IRF6: variants seen among roughly 807,000 people sequenced by gnomAD.
The protein encoded by IRF6 is interferon regulatory factor 6, also known as Van der Woude syndrome.
A neutral mutation model predicts 51.4 loss-of-function variants in IRF6; 6 were observed. The observed-to-expected ratio is 0.12, with a 90% CI of 0.06 to 0.23. IRF6 has a LOEUF of 0.23. IRF6 is among the 10% of genes least tolerant of loss of function. The pLI is 1.00. For missense variants in IRF6, 348 were observed against 585.2 expected, an observed-to-expected ratio of 0.59 and a Z score of 4.18; for synonymous variants, 178 against 215.7, an observed-to-expected ratio of 0.83 and a Z score of 1.53.
At position 209,790,076 on chromosome 1, in the gene IRF6, T is replaced by A. The variant is rs550555593; in HGVS notation, c.1061-291A>T. 1.3e-5 allele frequency among the ~76,000 whole-genome samples: 2 copies of A among 152,218 alleles called. No homozygotes were observed. Among genetic ancestry groups the A allele is most frequent in the African/African-American group, 4.8e-5 (2 of 41,450 alleles). On this transcript the variant is annotated intron_variant, in intron 7 of 8. Coordinates refer to ENST00000367021, the MANE Select transcript of IRF6 (RefSeq NM_006147.4). This position sits in a 1 kb window ranked among gnomAD's most constrained non-coding sequence, Gnocchi z 4.8. The stretch of plus-strand genomic sequence containing the variant: ...GCAGTTCAAACCACATTGTAAAAAA[T>A]TGACATCACGGTGCTTTCCCTAAAA...
intron 6 of IRF6, 123 bp downstream of exon 6, chr1:209,792,146 G>C: frequency 9.4e-7 from 1 of 1,059,392 alleles, no homozygotes; most frequent in Admixed American, 1.9e-5. Context: ...AACAGAAACA[G>C]AGGATGCCTC....
Position 209,789,745 on chromosome 1 carries a change from T to C in IRF6, c.1101A>G (p.Pro367=), listed in dbSNP as rs375673997. ...AHQKGQIEKQ[P]PFEIYLCFGE... is the part of the protein sequence containing the mutation. ...CAAAGCATAAGTAGATCTCAAACGG[T>C]GGCTGCTTCTCTATCTGTCCTTTCT... The change falls in exon 8 of 9, where the codon CCA becomes CCG. Residue 367 remains proline (P), a synonymous_variant. Transcript: ENST00000367021. 5.0e-6 allele frequency: 8 copies of C among 1,614,026 alleles called. No homozygotes were observed. The highest frequency in any genetic ancestry group is 6.8e-6 in the Non-Finnish European group (8 of 1,180,018).
At chr1:209,800,797 C>T (rs1571985931) in intron 3 of IRF6, among the ~76,000 whole-genome samples, 1 of 152,154 alleles carries the variant, frequency 6.6e-6, no homozygotes, top group African/African-American at 2.4e-5. Context: ...TGCTGAGAGC[C>T]CTCTATACCA....
chr1:209,798,908 C>CAAAAAAAAA (rs61182544), intron 3 of IRF6, among the ~76,000 whole-genome samples: 2 of 99,092 alleles, frequency 2.0e-5, no homozygotes, highest in African/African-American at 4.2e-5. Context: ...GACTCTGTCT[C>CAAAAAAAAA]AAAAAAAAAA....
rs1351191449 is a variant in IRF6 at position 209,787,937 on chromosome 1, C to G, written c.*483G>C. 1 of 174,070 alleles carries G rather than the reference C, an allele frequency of 5.7e-6. No homozygotes were observed. Among genetic ancestry groups the G allele is most frequent in the Non-Finnish European group, 1.2e-5 (1 of 80,718 alleles). The allele number at this position is 174,070 out of a possible 1,614,324, so 10.8% of individuals were successfully genotyped here. ...AAATCAGTGCTTGAGGAAACTTTAA[C>G]AAAACCAAGGAAAAATGTGGTACAA... On this transcript the variant is annotated 3_prime_UTR_variant, in exon 9 of 9. Coordinates refer to ENST00000367021, the MANE Select transcript of IRF6 (RefSeq NM_006147.4).
At position 209,788,112 on chromosome 1, in the gene IRF6, G is replaced by A; in HGVS notation, c.*308C>T. 2.5e-6 allele frequency: 1 copy of A among 401,804 alleles called. No homozygotes were observed. The highest frequency in any genetic ancestry group is 4.6e-6 in the Non-Finnish European group (1 of 218,074). 24.9% of individuals were successfully genotyped at this position (401,804 alleles called of 1,614,324 possible). ...ATAAATCTGAAGCCCAGAGGTTAAA[G>A]GACTTGTTCAAGGTCACATTGGAAG... is the stretch of plus-strand genomic sequence containing the variant. On this transcript the variant is annotated 3_prime_UTR_variant, in exon 9 of 9. Transcript: ENST00000367021.
In IRF6 at chr1:209,801,299, G is replaced by T; in HGVS notation, c.115C>A (p.Pro39Thr). 1 of 1,614,032 alleles carries T rather than the reference G, an allele frequency of 6.2e-7. No individual in the cohort carries two copies. The highest frequency in any genetic ancestry group is 8.5e-7 in the Non-Finnish European group (1 of 1,179,942). Residue 39 changes from proline to threonine, a missense_variant, in exon 3 of 9, where the codon CCC becomes ACC. By Grantham distance (38) the Pro-to-Thr change is conservative. Transcript: ENST00000367021. ...LHRDSKRFQI[P>T]WKHATRHSPQ... ...CTATGCCGGGTGGCATGTTTCCAGG[G>T]AATCTGGAAGCGTTTAGAGTCCCTG...
chr1:209,805,674 C>T (rs2077969754), intron 1 of IRF6, among the ~76,000 whole-genome samples: 2 of 152,272 alleles, frequency 1.3e-5, no homozygotes, highest in South Asian at 2.1e-4. Context: ...TTGTTGACGG[C>T]CGAGAGCAGT....
intron 5 of IRF6, among the ~76,000 whole-genome samples, chr1:209,793,433 A>G (rs1345982867): frequency 1.3e-5 from 2 of 152,218 alleles, no homozygotes; most frequent in Non-Finnish European, 2.9e-5. Flanking sequence ...GGAAATCAGG[A>G]TCCTGGAAAT....
chr1:209,788,315 A>G lies in IRF6; in HGVS notation c.*105T>C, dbSNP rs2077846315. On this transcript the variant is annotated 3_prime_UTR_variant, in exon 9 of 9. Transcript: ENST00000367021. ...ATTTGGAGAATCACAAACTTCTAACACTGTTAGAGAAAAGAGAGATTTAAA... is the reference window on the plus strand; with the variant it reads ...ATTTGGAGAATCACAAACTTCTAACGCTGTTAGAGAAAAGAGAGATTTAAA... The G allele has an allele frequency of 1.3e-6, 1 of 764,452 alleles. No homozygotes were observed. The highest frequency in any genetic ancestry group is 2.2e-6 in the Non-Finnish European group (1 of 461,076). 47.4% of individuals were successfully genotyped at this position (764,452 alleles called of 1,614,324 possible).
intron 1 of IRF6, among the ~76,000 whole-genome samples, chr1:209,804,029 C>A (rs1558043726): frequency 6.6e-6 from 1 of 152,112 alleles, no homozygotes; most frequent in Non-Finnish European, 1.5e-5. Context: ...AGTGATGCAA[C>A]TATGGGTGCT....
chr1:209,797,012 T>C (rs750842260), intron 3 of IRF6, among the ~76,000 whole-genome samples: 5 of 152,190 alleles, frequency 3.3e-5, no homozygotes, highest in African/African-American at 4.8e-5. Flanking sequence ...CAAAGAGGGA[T>C]GGCAGAGGAT....
Position 209,789,695 on chromosome 1 carries a change from G to A in IRF6, c.1151C>T (p.Pro384Leu), listed in dbSNP as rs1263363517. ...CFGEEWPDGK[P>L]LERKLILVQV... ...AACCAAGATGAGTTTCCTTTCCAAT[G>A]GTTTCCCATCTGGCCATTCTTCCCC... The change falls in exon 8 of 9, where the codon CCA becomes CTA. Residue 384 changes from proline (P) to leucine (L), a missense_variant. Pro to Leu is a moderately conservative substitution (Grantham distance 98). Around this residue, in one of 5 missense-constraint regions of IRF6, gnomAD observed 125 missense variants for 222.0 expected, o/e 0.56. Transcript: ENST00000367021. 6.2e-7 allele frequency: 1 copy of A among 1,613,488 alleles called. No homozygotes were observed. The highest frequency in any genetic ancestry group is 2.2e-5 in the East Asian group (1 of 44,860).
intron 3 of IRF6, among the ~76,000 whole-genome samples, chr1:209,800,774 A>C (rs1571985916): frequency 1.3e-5 from 2 of 152,110 alleles, no homozygotes; most frequent in African/African-American, 4.8e-5. Context: ...AAAAAGAAAA[A>C]GAAAGAAAAA....
At chr1:209,797,155 G>A (rs562094519) in intron 3 of IRF6, among the ~76,000 whole-genome samples, 94 of 152,076 alleles carry the variant, frequency 6.2e-4, no homozygotes, top group Non-Finnish European at 7.4e-4. Flanking sequence ...GGTGGATCAC[G>A]AGGTCAGGAG....
intron 3 of IRF6, among the ~76,000 whole-genome samples, chr1:209,800,011 A>G (rs992353764): frequency 6.6e-6 from 1 of 152,192 alleles, no homozygotes; most frequent in African/African-American, 2.4e-5. Context: ...TTCCCAACCC[A>G]ATTTCAGCAA....
In IRF6 at chr1:209,800,771, AAAAG is replaced by A. The variant is rs376208671; in HGVS notation, c.174+465_174+468del. 1.3e-4 allele frequency among the ~76,000 whole-genome samples: 20 copies of A among 152,248 alleles called. No homozygotes were observed. In the East Asian group the frequency reaches 3.3e-3, roughly 25 times the overall value. ...CAAGACCATATCCCACAAAAAAAGA[AAAAG>A]AAAGAAAAACTTGCTGAGAGCCCTC... On this transcript the variant is annotated intron_variant, in intron 3 of 8. Coordinates refer to ENST00000367021, the MANE Select transcript of IRF6 (RefSeq NM_006147.4).
Position 209,786,071 on chromosome 1 carries a change from G to A in IRF6, c.*2349C>T, listed in dbSNP as rs1193562670. ...CTTCTCAGTCTTAAGCAAGGTGAAGGCAAGGGAGTAGAAGATATCAAGGGA... is the reference window on the plus strand; with the variant it reads ...CTTCTCAGTCTTAAGCAAGGTGAAGACAAGGGAGTAGAAGATATCAAGGGA... On this transcript the variant is annotated 3_prime_UTR_variant, in exon 9 of 9. Coordinates refer to ENST00000367021, the MANE Select transcript of IRF6 (RefSeq NM_006147.4). 6.6e-6 allele frequency: 1 copy of A among 152,178 alleles called. No homozygotes were observed. The highest frequency in any genetic ancestry group is 2.4e-5 in the African/African-American group (1 of 41,436). The allele number at this position is 152,178 out of a possible 1,614,324, so 9.4% of individuals were successfully genotyped here. A position where few individuals can be genotyped will look rare whatever the true frequency, so the allele number is the denominator to read the frequency against.
intron 3 of IRF6, among the ~76,000 whole-genome samples, chr1:209,799,504 G>A (rs941310853): frequency 6.6e-6 from 1 of 152,204 alleles, no homozygotes; most frequent in Non-Finnish European, 1.5e-5. Flanking sequence ...TTCTGCTAAA[G>A]GCCATCAGAG....
Sources: allele counts gnomAD v4.1 joint callset (sites outside exome capture counted in the v4.1 genomes callset), GRCh38; gene constraint gnomAD v4.1.1; regional missense constraint gnomAD v4.1.1; non-coding constraint Gnocchi (gnomAD v3.1); transcripts MANE v1.5; gene names NCBI Gene and HGNC (gene_info 2026-07-23, HGNC 2026-07-21).